Variants in TNFRSF10B observed in about 807,000 individuals in gnomAD.
TNFRSF10B encodes the protein TNF receptor superfamily member 10b, also known as tumor necrosis factor receptor superfamily member 10B.
Under a neutral mutation model 41.4 loss-of-function variants are expected in TNFRSF10B, and 35 were observed. The observed-to-expected ratio is 0.85, with a 90% CI of 0.65 to 1.12. TNFRSF10B has a LOEUF of 1.12. Among genes scored for constraint, TNFRSF10B ranks in the 50% most tolerant of loss-of-function variants. The probability of loss-of-function intolerance (pLI) is 0.00; values close to 1 mark genes in which losing one functional copy is unlikely to be tolerated. For synonymous variants in TNFRSF10B, 230 were observed against 215.5 expected, an observed-to-expected ratio of 1.07 and a Z score of -0.59; for missense variants, 584 against 552.7, an observed-to-expected ratio of 1.06 and a Z score of -0.57.
At chr8:23,030,617 G>T in intron 3 of TNFRSF10B, 142 bp downstream of exon 3, 1 of 683,418 alleles carries the variant, frequency 1.5e-6, no homozygotes, top group South Asian at 1.5e-5. Flanking sequence ...TTATTAAAAA[G>T]CTCAAAGACA....
At chr8:23,048,392 C>T (rs1340958532) in intron 1 of TNFRSF10B, among the ~76,000 whole-genome samples, 1 of 144,864 alleles carries the variant, frequency 6.9e-6, no homozygotes, top group Non-Finnish European at 1.5e-5. Context: ...GCTGAGATGG[C>T]ACCATTGCAC....
In TNFRSF10B at chr8:23,041,912, C is replaced by G. The variant is rs138251045; in HGVS notation, c.250+1226G>C. 6.2e-3 allele frequency among the ~76,000 whole-genome samples: 939 copies of G among 152,262 alleles called. 13 individuals are homozygous for G. Among genetic ancestry groups the G allele is most frequent in the African/African-American group, 0.021 (883 of 41,558 alleles). ...CCTCATGGGCTCAGTTGTGCCCCTC[C>G]TCAGTATTTACAACTTCTTCCAGGT... On this transcript the variant is annotated intron_variant, in intron 2 of 8. Transcript: ENST00000276431.
At chr8:23,042,941 T>C in intron 2 of TNFRSF10B, 197 bp downstream of exon 2, 1 of 570,312 alleles carries the variant, frequency 1.8e-6, no homozygotes, top group East Asian at 2.9e-5. Flanking sequence ...TTCCTATCAG[T>C]TTCTTTGGCT....
At chr8:23,058,483 T>A (rs552340669) in intron 1 of TNFRSF10B, among the ~76,000 whole-genome samples, 1 of 144,168 alleles carries the variant, frequency 6.9e-6, no homozygotes, top group Non-Finnish European at 1.5e-5. Context: ...ATTTTAATTG[T>A]GTATTGGCTT....
rs767235918 is a variant in TNFRSF10B at position 23,021,512 on chromosome 8, G to A, written c.*1159C>T. 3 of 454,100 alleles carry A rather than the reference G, an allele frequency of 6.6e-6. No homozygotes were observed. The highest frequency in any genetic ancestry group is 1.3e-5 in the Non-Finnish European group (3 of 226,790). 28.1% of individuals were successfully genotyped at this position (454,100 alleles called of 1,614,324 possible). On this transcript the variant is annotated 3_prime_UTR_variant, in exon 9 of 9. Transcript: ENST00000276431. ...CTTCTATCTCCTGAGCCCAAACAGG[G>A]CTCAAGTTCACTTGGGATATGACAT...
At position 23,031,561 on chromosome 8, in the gene TNFRSF10B, G is replaced by C. The variant is rs188955347; in HGVS notation, c.251-689C>G. 1.6e-3 allele frequency among the ~76,000 whole-genome samples: 237 copies of C among 151,848 alleles called. 2 individuals are homozygous for C. The highest frequency in any genetic ancestry group is 5.2e-3 in the African/African-American group (214 of 41,380). On this transcript the variant is annotated intron_variant, in intron 2 of 8. Transcript: ENST00000276431. The stretch of plus-strand genomic sequence containing the variant: ...CACCACCACACCGGGTTAATTTTTA[G>C]TGTACTTTTTTTTTGTAGAGACGAG...
intron 7 of TNFRSF10B, 76 bp downstream of exon 7, chr8:23,027,057 A>C (rs780242454): frequency 1.2e-6 from 2 of 1,605,386 alleles, no homozygotes; most frequent in Non-Finnish European, 1.7e-6. Flanking sequence ...GAGCTAAGGC[A>C]CTGCCCTCTC....
chr8:23,033,596 A>G (rs1811945481), intron 2 of TNFRSF10B, among the ~76,000 whole-genome samples: 3 of 62,342 alleles, frequency 4.8e-5, no homozygotes, highest in Non-Finnish European at 1.1e-4. Context: ...AAAAAAAAAA[A>G]AAAAAAAAAA....
Position 23,049,670 on chromosome 8 carries a change from T to C in TNFRSF10B, c.145-6427A>G, listed in dbSNP as rs1043944377. 8 of 152,378 alleles carry C rather than the reference T, an allele frequency of 5.3e-5. No individual in the cohort carries two copies. In the East Asian group the frequency reaches 1.5e-3, roughly 29 times the overall value. The allele number at this position is 152,378 out of a possible 1,614,324, so 9.4% of individuals were successfully genotyped here. A position where few individuals can be genotyped will look rare whatever the true frequency, so the allele number is the denominator to read the frequency against. On this transcript the variant is annotated intron_variant, in intron 1 of 8. Coordinates refer to ENST00000276431, the MANE Select transcript of TNFRSF10B (RefSeq NM_003842.5). ...TCTGAAAAGCTTTGTAATTTTGAGT[T>C]GGTCTGGTGATAATTTCCAGGCCTT...
intron 1 of TNFRSF10B, among the ~76,000 whole-genome samples, chr8:23,053,768 A>C (rs976487441): frequency 5.9e-5 from 9 of 152,230 alleles, no homozygotes; most frequent in Non-Finnish European, 8.8e-5. Flanking sequence ...TTAATAGTAC[A>C]CTAATGTAAA....
Position 23,021,793 on chromosome 8 carries a change from G to A in TNFRSF10B, c.*878C>T, listed in dbSNP as rs376249744. The A allele has an allele frequency of 1.3e-5, 6 of 454,114 alleles. No homozygotes were observed. Among genetic ancestry groups the A allele is most frequent in the South Asian group, 6.2e-5 (4 of 64,474 alleles). The allele number at this position is 454,114 out of a possible 1,614,324, so 28.1% of individuals were successfully genotyped here. ...CAATCATTGAAGCCAAAGTACATCT[G>A]AGGGAGGGCTGGAACCCAGACAGTG... is the stretch of plus-strand genomic sequence containing the variant. On this transcript the variant is annotated 3_prime_UTR_variant, in exon 9 of 9. Coordinates refer to ENST00000276431, the MANE Select transcript of TNFRSF10B (RefSeq NM_003842.5).
At position 23,020,335 on chromosome 8, in the gene TNFRSF10B, T is replaced by C. The variant is rs1811472138; in HGVS notation, c.*2336A>G. 1 of 454,124 alleles carries C rather than the reference T, an allele frequency of 2.2e-6. No homozygotes were observed. Among genetic ancestry groups the C allele is most frequent in the Non-Finnish European group, 4.4e-6 (1 of 226,786 alleles). 28.1% of individuals were successfully genotyped at this position (454,124 alleles called of 1,614,324 possible). A position where few individuals can be genotyped will look rare whatever the true frequency, so the allele number is the denominator to read the frequency against. On this transcript the variant is annotated 3_prime_UTR_variant, in exon 9 of 9. Transcript: ENST00000276431. ...TCACATGCTATTTGGCCTGGGGATA[T>C]AGCAAAGCCTAATGTAACTAAACAA...
Position 23,038,806 on chromosome 8 carries a change from G to A in TNFRSF10B, c.250+4332C>T, listed in dbSNP as rs1470183685. On this transcript the variant is annotated intron_variant, in intron 2 of 8. Coordinates refer to ENST00000276431, the MANE Select transcript of TNFRSF10B (RefSeq NM_003842.5). ...TCTTTAAAAATTCTGTATTAGTCAG[G>A]GCTCTCTAGAGCAGGGGTCTCCAAC... Among the ~76,000 whole-genome samples, 4 of 152,036 alleles carry A rather than the reference G, an allele frequency of 2.6e-5. No homozygotes were observed. The East Asian group carries it at 7.7e-4, about 29-fold the overall frequency.
chr8:23,068,672 G>A, intron 1 of TNFRSF10B, 79 bp downstream of exon 1: 1 of 1,515,830 alleles, frequency 6.6e-7, no homozygotes, highest in South Asian at 1.2e-5. Flanking sequence ...ACGCACCCCC[G>A]CCGTGTCCCC....
Position 23,058,542 on chromosome 8 carries a change from A to G in TNFRSF10B, c.144+10209T>C, listed in dbSNP as rs570917875. On this transcript the variant is annotated intron_variant, in intron 1 of 8. Coordinates refer to ENST00000276431, the MANE Select transcript of TNFRSF10B (RefSeq NM_003842.5). The stretch of plus-strand genomic sequence containing the variant: ...CTCTTGTTGCCCAGGCTGGAGTGCC[A>G]TGGCACAATCTCGGCTCACCACAAC... Among the ~76,000 whole-genome samples the G allele has an allele frequency of 5.1e-3, 773 of 150,700 alleles. 6 individuals carry two copies. The highest frequency in any genetic ancestry group is 0.018 in the African/African-American group (732 of 40,948).
chr8:23,056,258 C>T (rs763309993), intron 1 of TNFRSF10B, among the ~76,000 whole-genome samples: 7 of 152,124 alleles, frequency 4.6e-5, no homozygotes, highest in South Asian at 4.1e-4. Flanking sequence ...ACTATAAATA[C>T]GATATTACCT....
intron 1 of TNFRSF10B, chr8:23,068,482 G>A (rs138030865): frequency 1.3e-5 from 7 of 549,918 alleles, no homozygotes; most frequent in Non-Finnish European, 1.9e-5. Flanking sequence ...CAGCTTACTC[G>A]GGAATTCCCT....
chr8:23,031,872 C>T (rs922598224), intron 2 of TNFRSF10B, among the ~76,000 whole-genome samples: 6 of 151,140 alleles, frequency 4.0e-5, no homozygotes, highest in Admixed American at 6.6e-5. Flanking sequence ...TCAAATCCTG[C>T]GTATATTTTA....
chr8:23,041,321 T>G (rs1271163139), intron 2 of TNFRSF10B, among the ~76,000 whole-genome samples: 1 of 152,046 alleles, frequency 6.6e-6, no homozygotes, highest in Non-Finnish European at 1.5e-5. Flanking sequence ...CCTCTCGAAG[T>G]GCTGGGATTA....
Sources: gnomAD v4.1 joint callset for allele counts (sites outside exome capture counted in the v4.1 genomes callset) on GRCh38, gnomAD v4.1.1 for gene constraint, MANE v1.5 for transcripts, NCBI Gene and HGNC (gene_info 2026-07-23, HGNC 2026-07-21) for gene names.